CPNE4: variants seen among roughly 807,000 people sequenced by gnomAD.
The protein encoded by CPNE4 is copine-4.
A neutral mutation model predicts 67.9 loss-of-function variants in CPNE4; 25 were observed. The ratio of observed to expected loss-of-function variants is 0.37; its 90% CI spans 0.27 to 0.51. The LOEUF (loss-of-function observed/expected upper bound fraction) is 0.51. Among genes scored for constraint, CPNE4 ranks in the 20% least tolerant of loss-of-function variants. The probability of loss-of-function intolerance (pLI) is 0.93; values close to 1 mark genes in which losing one functional copy is unlikely to be tolerated. For missense variants in CPNE4, 464 were observed against 690.8 expected (o/e 0.67, Z 3.68); for synonymous variants, 242 against 244.9 (o/e 0.99, Z 0.11).
intron 2 of CPNE4, among the ~76,000 whole-genome samples, chr3:131,832,066 T>C (rs994376045): frequency 1.3e-5 from 2 of 152,332 alleles, no homozygotes; most frequent in Admixed American, 6.5e-5. Context: ...TGAGTTCTCA[T>C]TGTCAGGGGT....
chr3:131,909,094 T>G (rs2088878891), intron 1 of CPNE4, among the ~76,000 whole-genome samples: 1 of 152,152 alleles, frequency 6.6e-6, no homozygotes, highest in South Asian at 2.1e-4. Flanking sequence ...ATTTACAACC[T>G]GTACAATCTG....
intron 15 of CPNE4, among the ~76,000 whole-genome samples, chr3:131,540,547 T>C (rs757575744): frequency 3.3e-5 from 5 of 152,230 alleles, no homozygotes; most frequent in African/African-American, 1.2e-4. Flanking sequence ...GGAGGATGGA[T>C]GGATCATTGT....
intron 2 of CPNE4, among the ~76,000 whole-genome samples, chr3:131,883,669 T>C (rs1342105992): frequency 5.3e-5 from 8 of 152,144 alleles, no homozygotes; most frequent in African/African-American, 1.9e-4. Context: ...CTTGCTTTCT[T>C]ATACCAGTGC....
intron 2 of CPNE4, among the ~76,000 whole-genome samples, chr3:131,822,428 A>G (rs1316615833): frequency 6.6e-6 from 1 of 152,158 alleles, no homozygotes. Context: ...GAAAATAACC[A>G]TTTTCTCTTT....
intron 2 of CPNE4, among the ~76,000 whole-genome samples, chr3:131,740,949 A>T (rs2082343124): frequency 1.3e-5 from 2 of 152,116 alleles, no homozygotes; most frequent in South Asian, 4.1e-4. Flanking sequence ...CTTTGCTGTC[A>T]ACTCTGCCAG....
intron 11 of CPNE4, among the ~76,000 whole-genome samples, chr3:131,558,996 A>G (rs918080672): frequency 6.6e-6 from 1 of 151,876 alleles, no homozygotes; most frequent in African/African-American, 2.4e-5. Context: ...CTTCTCTTTT[A>G]CCTATTCTGA....
At chr3:131,604,773 T>C (rs1335794046) in intron 7 of CPNE4, among the ~76,000 whole-genome samples, 1 of 152,028 alleles carries the variant, frequency 6.6e-6, no homozygotes, top group Non-Finnish European at 1.5e-5. Flanking sequence ...CCTTTATATA[T>C]ATATATCTAG....
At position 131,990,621 on chromosome 3, in the gene CPNE4, T is replaced by C. The variant is rs1023579585; in HGVS notation, c.-2+43946A>G. Among the ~76,000 whole-genome samples, 11 of 136,720 alleles carry C rather than the reference T, an allele frequency of 8.0e-5. 1 individual carries two copies. The South Asian group carries it at 2.8e-3, about 34-fold the overall frequency. The allele number at this position is 136,720 out of a possible 152,430, so 89.7% of individuals were successfully genotyped here. A position where few individuals can be genotyped will look rare whatever the true frequency, so the allele number is the denominator to read the frequency against. ...TGAAAAGACTTGGATTATTTTCATT[T>C]TCTTGATCTTTTACAATAAAATAAA... On this transcript the variant is annotated intron_variant, in intron 1 of 15. Coordinates refer to ENST00000429747, the MANE Select transcript of CPNE4 (RefSeq NM_130808.3).
chr3:131,768,981 A>G (rs1422153444), intron 2 of CPNE4, among the ~76,000 whole-genome samples: 1 of 152,196 alleles, frequency 6.6e-6, no homozygotes, highest in African/African-American at 2.4e-5. Context: ...TAATTATATT[A>G]TAATCCACAT....
chr3:131,660,934 A>G (rs2080108202), intron 7 of CPNE4, among the ~76,000 whole-genome samples: 1 of 152,048 alleles, frequency 6.6e-6, no homozygotes, highest in African/African-American at 2.4e-5. Context: ...GCCTCTTCAT[A>G]TTTTTTCCCC....
At chr3:131,872,042 C>T (rs1048314057) in intron 2 of CPNE4, among the ~76,000 whole-genome samples, 1 of 152,124 alleles carries the variant, frequency 6.6e-6, no homozygotes, top group South Asian at 2.1e-4. Flanking sequence ...TCCTTGTTCC[C>T]CTACCTTGAC....
intron 2 of CPNE4, among the ~76,000 whole-genome samples, chr3:131,797,441 A>G (rs1348726089): frequency 1.3e-5 from 2 of 152,154 alleles, no homozygotes; most frequent in East Asian, 3.9e-4. Flanking sequence ...GAACTCCCAG[A>G]GTGTGGCCAA....
At chr3:131,837,448 G>T (rs2085601228) in intron 2 of CPNE4, among the ~76,000 whole-genome samples, 1 of 152,130 alleles carries the variant, frequency 6.6e-6, no homozygotes, top group African/African-American at 2.4e-5. Flanking sequence ...TAGTTACACA[G>T]TGTGTGATTT....
At position 131,610,288 on chromosome 3, in the gene CPNE4, TAG is replaced by T. The variant is rs371146719; in HGVS notation, c.682-22708_682-22707del. Among the ~76,000 whole-genome samples the T allele has an allele frequency of 1.0e-3, 153 of 152,308 alleles. 2 individuals are homozygous for T. The Middle Eastern group carries it at 0.031, about 31-fold the overall frequency. On this transcript the variant is annotated intron_variant, in intron 7 of 15. Transcript: ENST00000429747. ...CAATGCAGCATTGTAAATGCTATCT[TAG>T]AGAGTCTTCAGGGTGCTACAGGAAC...
chr3:131,620,459 T>A (rs559551993), intron 7 of CPNE4: 2 of 985,234 alleles, frequency 2.0e-6, no homozygotes, highest in South Asian at 9.4e-5. Context: ...ATGTTCAGCA[T>A]AGATAAATGC....
At chr3:131,566,294 T>C (rs1296092572) in intron 10 of CPNE4, among the ~76,000 whole-genome samples, 1 of 151,880 alleles carries the variant, frequency 6.6e-6, no homozygotes, top group Non-Finnish European at 1.5e-5. Context: ...AAAACTGAAA[T>C]GTGTGTGTAT....
chr3:131,801,355 CATATAT>C (rs756282116), intron 2 of CPNE4, among the ~76,000 whole-genome samples: 2 of 89,778 alleles, frequency 2.2e-5, no homozygotes, highest in East Asian at 9.4e-4. Context: ...ATATATGTAC[CATATAT>C]ATATATGTAC....
intron 2 of CPNE4, among the ~76,000 whole-genome samples, chr3:131,852,856 T>C (rs937641045): frequency 6.6e-6 from 1 of 151,422 alleles, no homozygotes; most frequent in Non-Finnish European, 1.5e-5. Flanking sequence ...TACAAAAATA[T>C]AATAATTTAA....
intron 6 of CPNE4, among the ~76,000 whole-genome samples, chr3:131,684,447 T>G (rs915860178): frequency 2.0e-5 from 3 of 152,176 alleles, no homozygotes. Context: ...TTAACAGCAT[T>G]TATTTATTTA....
Sources: gnomAD v4.1 joint callset for allele counts (sites outside exome capture counted in the v4.1 genomes callset) on GRCh38, gnomAD v4.1.1 for gene constraint, MANE v1.5 for transcripts, NCBI Gene and HGNC (gene_info 2026-07-23, HGNC 2026-07-21) for gene names.